SDK1: variants seen among roughly 807,000 people sequenced by gnomAD.
The protein encoded by SDK1 is sidekick cell adhesion molecule 1.
In SDK1, 157 loss-of-function variants were observed where a neutral mutation model predicts 245.5. The observed-to-expected ratio is 0.64, with a 90% confidence interval of 0.56 to 0.73. SDK1 has a LOEUF of 0.73. SDK1 is among the 30% of genes least tolerant of loss of function. SDK1 has a pLI of 0.00. For missense variants in SDK1, 3,583 were observed against 3,002.3 expected, an observed-to-expected ratio of 1.19 and a Z score of -4.52; for synonymous variants, 1,647 against 1,278.5, an observed-to-expected ratio of 1.29 and a Z score of -6.15.
At chr7:4,227,549 A>C in intron 40 of SDK1, 1 of 437,562 alleles carries the variant, frequency 2.3e-6, no homozygotes, top group South Asian at 1.7e-5. Context: ...AGAAATAAAC[A>C]ACTGACAGGC....
chr7:4,134,415 A>G (rs1778910691), intron 28 of SDK1, among the ~76,000 whole-genome samples: 1 of 152,186 alleles, frequency 6.6e-6, no homozygotes, highest in South Asian at 2.1e-4. Context: ...TTGGGGTAGG[A>G]AATGGTCTGC....
intron 1 of SDK1, among the ~76,000 whole-genome samples, chr7:3,342,634 CA>C (rs1165582788): frequency 6.6e-6 from 1 of 151,874 alleles, no homozygotes; most frequent in Non-Finnish European, 1.5e-5. Context: ...CAGAACTAAG[CA>C]ATAAGTTCTT....
At chr7:3,423,013 G>T (rs1779575441) in intron 1 of SDK1, among the ~76,000 whole-genome samples, 1 of 152,168 alleles carries the variant, frequency 6.6e-6, no homozygotes, top group African/African-American at 2.4e-5. Flanking sequence ...TTATAGATAT[G>T]TTAGTTTTAA....
intron 1 of SDK1, among the ~76,000 whole-genome samples, chr7:3,572,428 G>C (rs759194488): frequency 2.6e-5 from 4 of 151,932 alleles, no homozygotes; most frequent in Non-Finnish European, 5.9e-5. Context: ...CAAGACCTAG[G>C]CTTGGCGTAG....
intron 4 of SDK1, among the ~76,000 whole-genome samples, chr7:3,789,428 G>A (rs1002406367): frequency 2.0e-5 from 3 of 152,216 alleles, no homozygotes; most frequent in Non-Finnish European, 2.9e-5. Context: ...GATTACAGGC[G>A]TGAGCCACTC....
At chr7:4,074,856 T>TACTTTCCCTCTCTCTC (rs1486926440) in intron 20 of SDK1, among the ~76,000 whole-genome samples, 15 of 72,246 alleles carry the variant, frequency 2.1e-4, no homozygotes, top group East Asian at 2.7e-4. Flanking sequence ...GAGCAAGACT[T>TACTTTCCCTCTCTCTC]TCTCTCTCTC....
At chr7:3,374,189 G>C (rs1781296548) in intron 1 of SDK1, among the ~76,000 whole-genome samples, 2 of 152,090 alleles carry the variant, frequency 1.3e-5, no homozygotes, top group South Asian at 2.1e-4. Flanking sequence ...GGAGAGCTGA[G>C]TCTGGAATCA....
intron 38 of SDK1, among the ~76,000 whole-genome samples, chr7:4,217,504 GGAGCACCACACCACCCGGAGCACCACA>G (rs1562446276): frequency 9.6e-6 from 1 of 104,222 alleles, no homozygotes; most frequent in East Asian, 2.6e-4. Flanking sequence ...CACACCACCC[GGAGCACCACACCACCCGGAGCACCACA>G]CCACCCGGAG....
At chr7:3,779,712 C>T (rs1357449212) in intron 4 of SDK1, among the ~76,000 whole-genome samples, 3 of 151,646 alleles carry the variant, frequency 2.0e-5, no homozygotes, top group Non-Finnish European at 2.9e-5. Flanking sequence ...GCGGGTGGAT[C>T]ATGAGGTCAG....
At chr7:4,053,258 A>T (rs1046789463) in intron 19 of SDK1, among the ~76,000 whole-genome samples, 3 of 151,766 alleles carry the variant, frequency 2.0e-5, no homozygotes, top group Non-Finnish European at 4.4e-5. Context: ...TCCCAGCCTC[A>T]CCGCACTCCC....
intron 4 of SDK1, among the ~76,000 whole-genome samples, chr7:3,737,423 G>T (rs1362021310): frequency 6.6e-6 from 1 of 152,228 alleles, no homozygotes; most frequent in Non-Finnish European, 1.5e-5. Context: ...GCTGATTTCA[G>T]GCTATGCTGC....
chr7:4,074,565 G>A (rs934383336), intron 20 of SDK1, among the ~76,000 whole-genome samples: 1 of 152,062 alleles, frequency 6.6e-6, no homozygotes, highest in Admixed American at 6.5e-5. Context: ...GATGTAAAGC[G>A]AGGGCAGGGC....
chr7:4,149,081 A>C (rs1780176977), intron 29 of SDK1, among the ~76,000 whole-genome samples, 181 bp from the exon 30 acceptor site: 1 of 152,052 alleles, frequency 6.6e-6, no homozygotes, highest in Non-Finnish European at 1.5e-5. Context: ...AAAACAAAAC[A>C]AAAAAACAGA....
intron 4 of SDK1, among the ~76,000 whole-genome samples, chr7:3,767,166 A>C (rs1404864516): frequency 1.3e-5 from 2 of 152,170 alleles, no homozygotes; most frequent in Admixed American, 1.3e-4. Context: ...TGAACTTCAC[A>C]CACTGGAGGG....
rs147379857 is a variant in SDK1 at position 3,590,217 on chromosome 7, C to T, written c.299-28863C>T. On this transcript the variant is annotated intron_variant, in intron 1 of 44. Coordinates refer to ENST00000404826, the MANE Select transcript of SDK1 (RefSeq NM_152744.4). ...TTTATGTTTCTTCAGTTTTCTGTTA[C>T]GGATACTGGAGCAGAAGTTGAATTT... is the stretch of plus-strand genomic sequence containing the variant. Among the ~76,000 whole-genome samples, 386 of 150,668 alleles carry T rather than the reference C, an allele frequency of 2.6e-3. 3 individuals are homozygous for T. Among genetic ancestry groups the T allele is most frequent in the South Asian group, 0.018 (84 of 4,766 alleles).
rs79402608 is a variant in SDK1 at position 3,734,977 on chromosome 7, A to G, written c.714-86473A>G. Among the ~76,000 whole-genome samples the G allele has an allele frequency of 5.5e-3, 834 of 152,062 alleles. 11 individuals are homozygous for G. The highest frequency in any genetic ancestry group is 0.019 in the African/African-American group (788 of 41,468). On this transcript the variant is annotated intron_variant, in intron 4 of 44. Transcript: ENST00000404826. ...CATTCTCCCGACGTGCACATCCCCT[A>G]TGTGTTCCTCATTCTCCCCATGGGT...
At chr7:3,668,643 T>A (rs1008023813) in intron 4 of SDK1, among the ~76,000 whole-genome samples, 2 of 151,998 alleles carry the variant, frequency 1.3e-5, no homozygotes, top group African/African-American at 4.8e-5. Context: ...ATACAAAAAT[T>A]AGCCGAGTGT....
At chr7:4,200,360 A>G (rs1584429546) in intron 35 of SDK1, among the ~76,000 whole-genome samples, 1 of 152,262 alleles carries the variant, frequency 6.6e-6, no homozygotes, top group South Asian at 2.1e-4. Context: ...GGGATGTATC[A>G]GTCAGCTGTT....
chr7:3,880,168 C>G (rs187099153), intron 5 of SDK1, among the ~76,000 whole-genome samples: 3 of 152,338 alleles, frequency 2.0e-5, no homozygotes, highest in African/African-American at 4.8e-5. Context: ...CCGCACTCCT[C>G]AGGGAGATGG....
Sources: gnomAD v4.1 joint callset for allele counts (sites outside exome capture counted in the v4.1 genomes callset) on GRCh38, gnomAD v4.1.1 for gene constraint, MANE v1.5 for transcripts, NCBI Gene and HGNC (gene_info 2026-07-23, HGNC 2026-07-21) for gene names.